Variants in DYDC1 observed in about 807,000 individuals in gnomAD.
DYDC1 encodes DPY30 domain containing 1.
A neutral mutation model predicts 27.9 loss-of-function variants in DYDC1; 21 were observed. The ratio of observed to expected loss-of-function variants is 0.75; its 90% CI spans 0.53 to 1.08. The LOEUF (loss-of-function observed/expected upper bound fraction) is 1.08. Among genes scored for constraint, DYDC1 ranks in the 50% least tolerant of loss-of-function variants. DYDC1 has a pLI of 0.00. For synonymous variants in DYDC1, 67 were observed against 65.8 expected (o/e 1.02, Z -0.09); for missense variants, 202 against 205.9 (o/e 0.98, Z 0.12).
chr10:80,355,861 C>A (rs1843333749), intron 1 of DYDC1, among the ~76,000 whole-genome samples: 1 of 151,956 alleles, frequency 6.6e-6, no homozygotes, highest in Admixed American at 6.6e-5. Context: ...GTGTCTCAAC[C>A]ATACAGAGAA....
chr10:80,355,851 G>C (rs1037034133), intron 1 of DYDC1, among the ~76,000 whole-genome samples: 1 of 152,124 alleles, frequency 6.6e-6, no homozygotes, highest in Non-Finnish European at 1.5e-5. Flanking sequence ...GTTGATATTG[G>C]TGTCTCAACC....
At chr10:80,347,305 T>G (rs10749561) in intron 3 of DYDC1, among the ~76,000 whole-genome samples, 55,954 of 105,222 alleles carry the variant, frequency 0.53, 15,885 homozygotes, top group East Asian at 0.8. Flanking sequence ...TTTTTTTTTT[T>G]GCTATTGAGT....
At chr10:80,350,486 A>G (rs1018124460) in intron 3 of DYDC1, among the ~76,000 whole-genome samples, 3 of 152,172 alleles carry the variant, frequency 2.0e-5, no homozygotes, top group African/African-American at 7.2e-5. Context: ...TTTGGATGAC[A>G]GTTGACACCC....
intron 6 of DYDC1, chr10:80,337,030 T>G (rs1308968601): frequency 1.3e-6 from 1 of 753,040 alleles, no homozygotes; most frequent in East Asian, 1.3e-4. Context: ...CCCAGTGTGC[T>G]CTGCCTTTAT....
chr10:80,336,159 C>T lies in DYDC1; in HGVS notation c.531G>A (p.Leu177=), dbSNP rs571298883. ...ATTGCTCTTAGGTTGGTTGGTCCTACAAATCTTGATCAATGTTTAATGCAA... is the reference window on the plus strand; with the variant it reads ...ATTGCTCTTAGGTTGGTTGGTCCTATAAATCTTGATCAATGTTTAATGCAA... ...SDIALNIDQD[L] The change falls in exon 7 of 7, where the codon TTG becomes TTA. Residue 177 remains leucine, a synonymous_variant. Transcript: ENST00000372202. 2 of 1,551,120 alleles carry T rather than the reference C, an allele frequency of 1.3e-6. No individual in the cohort carries two copies. The highest frequency in any genetic ancestry group is 1.4e-5 in the African/African-American group (1 of 72,404).
chr10:80,351,874 C>T (rs1435542665), intron 3 of DYDC1, 27 bp downstream of exon 3: 1 of 1,603,210 alleles, frequency 6.2e-7, no homozygotes, highest in South Asian at 1.1e-5. Flanking sequence ...AATTCCAGTC[C>T]CCTCTGAACT....
At chr10:80,336,531 C>T (rs766736373) in intron 6 of DYDC1, 25 of 172,690 alleles carry the variant, frequency 1.4e-4, no homozygotes, top group Non-Finnish European at 2.6e-4. Flanking sequence ...CTTACTCAAT[C>T]CCCTTGCTTC....
intron 3 of DYDC1, among the ~76,000 whole-genome samples, chr10:80,347,469 T>C (rs1842739060): frequency 6.6e-6 from 1 of 152,108 alleles, no homozygotes; most frequent in Admixed American, 6.6e-5. Context: ...TCCCATTTGT[T>C]TAGGTTTGCT....
At chr10:80,338,625 A>G in intron 5 of DYDC1, 54 bp from the exon 6 acceptor site, 1 of 1,444,284 alleles carries the variant, frequency 6.9e-7, no homozygotes, top group South Asian at 1.5e-5. Context: ...TTAATACATT[A>G]CTTTTCTTTC....
rs1481477599 is a variant in DYDC1, at chr10:80,352,230, A to G, written c.147+225T>C. 2.6e-5 allele frequency among the ~76,000 whole-genome samples: 4 copies of G among 152,326 alleles called. No individual in the cohort carries two copies. The South Asian group carries it at 8.3e-4, about 32-fold the overall frequency. On this transcript the variant is annotated intron_variant, in intron 2 of 6. Transcript: ENST00000372202. ...CACAAGTACATAAACGTAAATCTAT[A>G]AATCTATAGAAAAAAGACTTCCCAT...
At chr10:80,349,359 T>G (rs1316443138) in intron 3 of DYDC1, among the ~76,000 whole-genome samples, 2 of 152,216 alleles carry the variant, frequency 1.3e-5, no homozygotes, top group African/African-American at 2.4e-5. Context: ...AATAAAACAT[T>G]TGCAAAAATT....
chr10:80,337,035 C>G, intron 6 of DYDC1: 1 of 820,038 alleles, frequency 1.2e-6, no homozygotes, highest in Non-Finnish European at 1.5e-6. Context: ...TGTGCTCTGC[C>G]TTTATCCACC....
At chr10:80,349,224 T>C (rs902164302) in intron 3 of DYDC1, among the ~76,000 whole-genome samples, 3 of 152,226 alleles carry the variant, frequency 2.0e-5, no homozygotes, top group Non-Finnish European at 4.4e-5. Flanking sequence ...ATTTTGATGA[T>C]AGACCACACT....
chr10:80,352,082 A>T, intron 2 of DYDC1, 80 bp from the exon 3 acceptor site: 1 of 1,266,252 alleles, frequency 7.9e-7, no homozygotes, highest in Non-Finnish European at 1.1e-6. Flanking sequence ...AGCACTTAAT[A>T]GGAACAATTA....
chr10:80,352,030 C>T lies in DYDC1; in HGVS notation c.148-28G>A, dbSNP rs571436293. 1.6e-5 allele frequency: 26 copies of T among 1,604,162 alleles called. 1 individual carries two copies. The highest frequency in any genetic ancestry group is 1.7e-4 in the Middle Eastern group (1 of 6,026). ...AGCATTGTTTAAAAACAACAGCACA[C>T]GACTTCTTAGCGAGAAAGCAATTTG... On this transcript the variant is annotated intron_variant, in intron 2 of 6. Transcript: ENST00000372202.
At chr10:80,348,256 A>G (rs1158558742) in intron 3 of DYDC1, among the ~76,000 whole-genome samples, 1 of 152,192 alleles carries the variant, frequency 6.6e-6, no homozygotes, top group Non-Finnish European at 1.5e-5. Context: ...TTTTCGAGTA[A>G]GTTATTGGTA....
In DYDC1 at chr10:80,351,904, C is replaced by T; in HGVS notation, c.246G>A (p.Gln82=). 6.2e-7 allele frequency: 1 copy of T among 1,614,088 alleles called. No homozygotes were observed. Among genetic ancestry groups the T allele is most frequent in the Non-Finnish European group, 8.5e-7 (1 of 1,179,984 alleles). ...ERLKAEELLL[Q]QQQLALQLEL... Reference sequence around the variant, plus strand: ...TGAACTCTCCTACTTGCCTCACCTGCTGAAGTAAGAGCTCCTCTGCTTTGA... The same window carrying T: ...TGAACTCTCCTACTTGCCTCACCTGTTGAAGTAAGAGCTCCTCTGCTTTGA... The change falls in exon 3 of 7, where the codon CAG becomes CAA. Residue 82 remains glutamine (Q), a synonymous_variant. Transcript: ENST00000372202.
chr10:80,337,734 G>A (rs915717867), intron 6 of DYDC1, among the ~76,000 whole-genome samples: 2 of 152,086 alleles, frequency 1.3e-5, no homozygotes, highest in Admixed American at 1.3e-4. Context: ...AGCCTCCCAT[G>A]CCACCAGTGA....
intron 3 of DYDC1, among the ~76,000 whole-genome samples, chr10:80,347,460 C>T (rs372879242): frequency 6.6e-6 from 1 of 151,958 alleles, no homozygotes; most frequent in African/African-American, 2.4e-5. Flanking sequence ...TTGACCTAGT[C>T]CCATTTGTTT....
Sources: allele counts gnomAD v4.1 joint callset (sites outside exome capture counted in the v4.1 genomes callset), GRCh38; gene constraint gnomAD v4.1.1; transcripts MANE v1.5; gene names NCBI Gene and HGNC (gene_info 2026-07-23, HGNC 2026-07-21).